Variants in DTNB observed in about 807,000 individuals in gnomAD.
The protein encoded by DTNB is dystrobrevin beta.
DTNB carries 63 observed loss-of-function variants against 90.7 expected under a neutral mutation model. That is an observed-to-expected ratio of 0.69 (90% CI 0.57 to 0.86). The LOEUF (loss-of-function observed/expected upper bound fraction) is 0.86. Among genes scored for constraint, DTNB ranks in the 40% least tolerant of loss-of-function variants. The probability of loss-of-function intolerance (pLI) is 0.00; values close to 1 mark genes in which losing one functional copy is unlikely to be tolerated. For missense variants in DTNB, 744 were observed against 807.1 expected (o/e 0.92, Z 0.95); for synonymous variants, 277 against 286.7 (o/e 0.97, Z 0.34).
chr2:25,547,311 ATTCT>A (rs2082642429), intron 8 of DTNB, among the ~76,000 whole-genome samples: 1 of 125,790 alleles, frequency 7.9e-6, no homozygotes, highest in South Asian at 2.5e-4. Flanking sequence ...ATGCACCTGT[ATTCT>A]TTCTTTCCTT....
At chr2:25,463,040 C>T (rs916150955) in intron 10 of DTNB, among the ~76,000 whole-genome samples, 73 of 152,320 alleles carry the variant, frequency 4.8e-4, no homozygotes, top group African/African-American at 1.6e-3. Context: ...ATTATGGTAA[C>T]ACTCATGATT....
chr2:25,425,432 T>G (rs1558469454), intron 15 of DTNB, among the ~76,000 whole-genome samples: 1 of 152,212 alleles, frequency 6.6e-6, no homozygotes, highest in Non-Finnish European at 1.5e-5. Flanking sequence ...ACTAAGAGAC[T>G]GACTTAGAAT....
At position 25,667,962 on chromosome 2, in the gene DTNB, G is replaced by A. The variant is rs113725672; in HGVS notation, c.-2+5424C>T. On this transcript the variant is annotated intron_variant, in intron 1 of 20. Transcript: ENST00000406818. ...GGCGCTAAAAAGAAATGAGCTGGCC[G>A]GACGCGGTGGCTCACGCATGTAATC... 3.0e-3 allele frequency among the ~76,000 whole-genome samples: 462 copies of A among 152,316 alleles called. 2 individuals carry two copies. Among genetic ancestry groups the A allele is most frequent in the African/African-American group, 0.011 (440 of 41,578 alleles).
At chr2:25,462,350 C>T in intron 10 of DTNB, among the ~76,000 whole-genome samples, 1 of 151,748 alleles carries the variant, frequency 6.6e-6, no homozygotes, top group East Asian at 1.9e-4. Context: ...GGGACAAGGT[C>T]AGAGGCAGGA....
intron 1 of DTNB, 34 bp downstream of exon 1, chr2:25,673,351 TC>T: frequency 6.6e-6 from 1 of 150,870 alleles, no homozygotes; most frequent in South Asian, 2.1e-4. Context: ...CCAGCTCGTC[TC>T]CCCACAGCCC....
intron 12 of DTNB, among the ~76,000 whole-genome samples, chr2:25,449,825 T>A (rs1162214221): frequency 6.6e-6 from 1 of 151,154 alleles, no homozygotes; most frequent in Non-Finnish European, 1.5e-5. Flanking sequence ...TACAGTGGCG[T>A]GATCTTGGCT....
At chr2:25,598,800 T>C (rs1182245186) in intron 5 of DTNB, 1 of 152,042 alleles carries the variant, frequency 6.6e-6, no homozygotes. Flanking sequence ...CTGTATCTCT[T>C]ACCGGTGATA....
At position 25,387,398 on chromosome 2, in the gene DTNB, A is replaced by G; in HGVS notation, c.1736-20T>C. The stretch of plus-strand genomic sequence containing the variant: ...TCGTACCTGAGGAGAGGCAGAGCAG[A>G]TGGGGATGCCAGGGTGGGTGAGCGT... On this transcript the variant is annotated intron_variant, in intron 17 of 20. Transcript: ENST00000406818. This position sits in a 1 kb window ranked among gnomAD's most constrained non-coding sequence, Gnocchi z 4.5. 6.2e-7 allele frequency: 1 copy of G among 1,607,032 alleles called. No individual in the cohort carries two copies. The highest frequency in any genetic ancestry group is 8.5e-7 in the Non-Finnish European group (1 of 1,174,948).
chr2:25,428,693 A>G (rs1278270547), intron 14 of DTNB, among the ~76,000 whole-genome samples: 4 of 152,170 alleles, frequency 2.6e-5, no homozygotes, highest in African/African-American at 9.7e-5. Flanking sequence ...TCAGCCTCCC[A>G]AAGTGCTGGG....
intron 1 of DTNB, among the ~76,000 whole-genome samples, chr2:25,655,682 T>A (rs1166137394): frequency 6.6e-6 from 1 of 152,152 alleles, no homozygotes; most frequent in Non-Finnish European, 1.5e-5. Flanking sequence ...GGAAATAAAT[T>A]GAAAATCCCG....
intron 8 of DTNB, among the ~76,000 whole-genome samples, chr2:25,561,247 C>T (rs1424741120): frequency 6.6e-6 from 1 of 152,094 alleles, no homozygotes; most frequent in East Asian, 1.9e-4. Context: ...CACTCAACAC[C>T]CCCCTCCTTG....
chr2:25,621,204 T>G (rs1393176361), intron 4 of DTNB, among the ~76,000 whole-genome samples: 1 of 152,162 alleles, frequency 6.6e-6, no homozygotes, highest in South Asian at 2.1e-4. Context: ...CCCAGGAAAT[T>G]ACAGTTTTGT....
At position 25,646,746 on chromosome 2, in the gene DTNB, T is replaced by C. The variant is rs1434027799; in HGVS notation, c.67+5848A>G. 2.6e-5 allele frequency among the ~76,000 whole-genome samples: 4 copies of C among 152,350 alleles called. No homozygotes were observed. The East Asian group carries it at 5.8e-4, about 22-fold the overall frequency. On this transcript the variant is annotated intron_variant, in intron 2 of 20. Transcript: ENST00000406818. Reference sequence around the variant, plus strand: ...CAATATGTTTCTTAAATGTATGTGATTTTAGTCTCATGCCTCCTTAAGATG... The same window carrying C: ...CAATATGTTTCTTAAATGTATGTGACTTTAGTCTCATGCCTCCTTAAGATG...
At chr2:25,645,239 T>C (rs2079160885) in intron 2 of DTNB, among the ~76,000 whole-genome samples, 1 of 151,132 alleles carries the variant, frequency 6.6e-6, no homozygotes, top group African/African-American at 2.4e-5. Context: ...AAAAATTAGC[T>C]GGGTGTGGTG....
At chr2:25,440,067 G>A (rs1326495739) in intron 12 of DTNB, among the ~76,000 whole-genome samples, 2 of 152,124 alleles carry the variant, frequency 1.3e-5, no homozygotes, top group African/African-American at 4.8e-5. Flanking sequence ...TGAGCAACTC[G>A]GGGGTTGTAG....
At chr2:25,543,704 A>T (rs1363232990) in intron 8 of DTNB, among the ~76,000 whole-genome samples, 1 of 152,126 alleles carries the variant, frequency 6.6e-6, no homozygotes, top group Non-Finnish European at 1.5e-5. Flanking sequence ...TTTATGGCTT[A>T]TTATGTCATT....
intron 5 of DTNB, among the ~76,000 whole-genome samples, chr2:25,598,295 C>T (rs2065067940): frequency 6.6e-6 from 1 of 152,234 alleles, no homozygotes; most frequent in South Asian, 2.1e-4. Context: ...ATATAGAAAT[C>T]ACTCTAGAAT....
chr2:25,509,825 A>G (rs528628171), intron 9 of DTNB, among the ~76,000 whole-genome samples: 2 of 147,888 alleles, frequency 1.4e-5, no homozygotes, highest in East Asian at 4.0e-4. Context: ...TCTCAGCTCA[A>G]TTGCAACCTC....
chr2:25,665,756 TTTCTC>T (rs1322813613), intron 1 of DTNB, among the ~76,000 whole-genome samples: 2 of 150,548 alleles, frequency 1.3e-5, no homozygotes, highest in African/African-American at 2.4e-5. Flanking sequence ...TAATACTTCT[TTTCTC>T]TTCTCTTTCA....
Sources: allele counts gnomAD v4.1 joint callset (sites outside exome capture counted in the v4.1 genomes callset), GRCh38; gene constraint gnomAD v4.1.1; non-coding constraint Gnocchi (gnomAD v3.1); transcripts MANE v1.5; gene names NCBI Gene and HGNC (gene_info 2026-07-23, HGNC 2026-07-21).